COL27A1: variants seen among roughly 807,000 people sequenced by gnomAD.
The protein encoded by COL27A1 is collagen type XXVII alpha 1 chain.
COL27A1 carries 106 observed loss-of-function variants against 251.3 expected under a neutral mutation model. The ratio of observed to expected loss-of-function variants is 0.42; its 90% confidence interval spans 0.36 to 0.50. COL27A1 has a LOEUF of 0.50. COL27A1 is among the 20% of genes least tolerant of loss of function. The pLI is 0.00. For missense variants in COL27A1, 2,325 were observed against 2,522.8 expected, an observed-to-expected ratio of 0.92 and a Z score of 1.68; for synonymous variants, 1,000 against 986.3, an observed-to-expected ratio of 1.01 and a Z score of -0.26.
At chr9:114,263,578 G>A (rs1487825726) in intron 28 of COL27A1, among the ~76,000 whole-genome samples, 2 of 152,198 alleles carry the variant, frequency 1.3e-5, no homozygotes, top group African/African-American at 2.4e-5. Flanking sequence ...CATGGGGGAT[G>A]AGAGCGGCTA....
chr9:114,178,466 A>G (rs1827644005), intron 4 of COL27A1, 122 bp downstream of exon 4: 1 of 885,330 alleles, frequency 1.1e-6, no homozygotes, highest in East Asian at 2.4e-5. Flanking sequence ...TCTGGCACCC[A>G]TATTTGGCTT....
chr9:114,310,529 A>T lies in COL27A1; in HGVS notation c.5437-20A>T. 1 of 1,614,100 alleles carries T rather than the reference A, an allele frequency of 6.2e-7. No homozygotes were observed. Among genetic ancestry groups the T allele is most frequent in the Non-Finnish European group, 8.5e-7 (1 of 1,179,948 alleles). On this transcript the variant is annotated intron_variant, in intron 60 of 60. Transcript: ENST00000356083. ...AGAATCACGATGGATGTACGTGTGCACTTTTCCTTCTGCCTTCAGGTCCAA... is the reference window on the plus strand; with the variant it reads ...AGAATCACGATGGATGTACGTGTGCTCTTTTCCTTCTGCCTTCAGGTCCAA...
intron 32 of COL27A1, 137 bp from the exon 33 acceptor site, chr9:114,266,428 G>A (rs1010917000): frequency 2.7e-5 from 17 of 636,920 alleles, no homozygotes; most frequent in African/African-American, 3.7e-5. Context: ...CAGGACCCTC[G>A]GTGTGGCTGG....
chr9:114,233,451 C>T (rs1832107747), intron 16 of COL27A1, among the ~76,000 whole-genome samples: 1 of 150,500 alleles, frequency 6.6e-6, no homozygotes, highest in South Asian at 2.1e-4. Flanking sequence ...CCCCCCTTGC[C>T]CTGCTGTCTG....
At chr9:114,211,087 C>T (rs573098925) in intron 12 of COL27A1, 61 bp downstream of exon 12, 27 of 1,546,158 alleles carry the variant, frequency 1.7e-5, no homozygotes, top group South Asian at 5.6e-5. Flanking sequence ...CCCACGGCCA[C>T]GCTGCCCTGG....
intron 40 of COL27A1, 28 bp downstream of exon 40, chr9:114,283,790 C>A: frequency 6.2e-7 from 1 of 1,612,380 alleles, no homozygotes; most frequent in Non-Finnish European, 8.5e-7. Context: ...CACCCCACCC[C>A]CCGACTCTGT....
rs181894836 is a variant in COL27A1 at position 114,240,157 on chromosome 9, C to T, written c.2728-63C>T. On this transcript the variant is annotated intron_variant, in intron 19 of 60. Transcript: ENST00000356083. ...AAACCCGGTCAGTCTCCCTGCAAGA[C>T]GCATCCCCGTAGCACTCCCTTCACA... 4.8e-5 allele frequency: 68 copies of T among 1,420,068 alleles called. No individual in the cohort carries two copies. The South Asian group carries it at 5.6e-4, about 12-fold the overall frequency. 88.0% of individuals were successfully genotyped at this position (1,420,068 alleles called of 1,614,324 possible).
intron 28 of COL27A1, among the ~76,000 whole-genome samples, chr9:114,264,065 G>A (rs369147215): frequency 4.6e-5 from 7 of 152,236 alleles, no homozygotes; most frequent in African/African-American, 1.7e-4. Context: ...AAATGGATTG[G>A]CTGGGTGACC....
intron 14 of COL27A1, among the ~76,000 whole-genome samples, chr9:114,230,499 T>C (rs570647975): frequency 7.2e-5 from 11 of 152,202 alleles, no homozygotes; most frequent in Admixed American, 7.2e-4. Context: ...TGATCTGATC[T>C]GAAGCTGGGT....
At chr9:114,233,078 A>G (rs1290761018) in intron 16 of COL27A1, among the ~76,000 whole-genome samples, 2 of 152,202 alleles carry the variant, frequency 1.3e-5, no homozygotes, top group African/African-American at 4.8e-5. Flanking sequence ...CTCAAAAAAG[A>G]AGCTTGCCTG....
At chr9:114,288,433 A>G (rs1827662471) in intron 41 of COL27A1, 22 bp from the exon 42 acceptor site, 1 of 1,607,864 alleles carries the variant, frequency 6.2e-7, no homozygotes, top group Non-Finnish European at 8.5e-7. Context: ...GGTTTGCCCT[A>G]AAGCTGGTTC....
chr9:114,282,583 G>T lies in COL27A1; in HGVS notation c.3879+19G>T, dbSNP rs1397054702. 1 of 1,447,946 alleles carries T rather than the reference G, an allele frequency of 6.9e-7. No individual in the cohort carries two copies. The highest frequency in any genetic ancestry group is 9.2e-7 in the Non-Finnish European group (1 of 1,081,676). 89.7% of individuals were successfully genotyped at this position (1,447,946 alleles called of 1,614,324 possible). A position where few individuals can be genotyped will look rare whatever the true frequency, so the allele number is the denominator to read the frequency against. On this transcript the variant is annotated intron_variant, in intron 39 of 60. Transcript: ENST00000356083. ...ACCAACGGTGAGGACTCTCTGGCTG[G>T]GGTGGGGGAGTCAGATGTGGAATAG... is the stretch of plus-strand genomic sequence containing the variant.
In COL27A1 at chr9:114,290,066, G is replaced by A; in HGVS notation, c.4215G>A (p.Lys1405=). The change falls in exon 46 of 61, where the codon AAG becomes AAA. Residue 1405 remains lysine (K), a synonymous_variant. Coordinates refer to ENST00000356083, the MANE Select transcript of COL27A1 (RefSeq NM_032888.4). The surrounding 1 kb of genome is among the most constrained non-coding windows in gnomAD (Gnocchi z 4.6). ...PKGSKGAEGP[K]GKQGKAGAPG... The stretch of plus-strand genomic sequence containing the variant: ...GGCCCTTGATTTTTCAGGGACCAAA[G>A]GGAAAGCAAGGCAAGGCAGGGGCCC... The A allele has an allele frequency of 6.2e-7, 1 of 1,611,872 alleles. No individual in the cohort carries two copies.
chr9:114,295,903 TC>T (rs1168965735), intron 49 of COL27A1, among the ~76,000 whole-genome samples: 6 of 152,164 alleles, frequency 3.9e-5, no homozygotes, highest in Non-Finnish European at 8.8e-5. Context: ...CACCTCGGCC[TC>T]CCAAAGTGCT....
intron 25 of COL27A1, 104 bp from the exon 26 acceptor site, chr9:114,252,489 C>T: frequency 1.8e-5 from 17 of 950,434 alleles, no homozygotes; most frequent in Non-Finnish European, 2.9e-5. Context: ...TTGAGCAAAC[C>T]CCTACCTCTC....
At position 114,169,337 on chromosome 9, in the gene COL27A1, G is replaced by C. The variant is rs541446954; in HGVS notation, c.1782G>C (p.Pro594=). Reference sequence around the variant, plus strand: ...CCACCCCGGCCCTGGTATTGGCCCCGGCGCAATTCCTGTCCTCCAGCCCCC... The same window carrying C: ...CCACCCCGGCCCTGGTATTGGCCCCCGCGCAATTCCTGTCCTCCAGCCCCC... ...QQTTPALVLA[P]AQFLSSSPRP... The change falls in exon 3 of 61, where the codon CCG becomes CCC. Residue 594 remains proline (P), a synonymous_variant. Coordinates refer to ENST00000356083, the MANE Select transcript of COL27A1 (RefSeq NM_032888.4). The C allele has an allele frequency of 6.2e-7, 1 of 1,612,694 alleles. No individual in the cohort carries two copies. The highest frequency in any genetic ancestry group is 1.7e-5 in the Admixed American group (1 of 59,994).
chr9:114,300,988 G>A (rs1403268895), intron 51 of COL27A1, 84 bp from the exon 52 acceptor site: 20 of 1,366,610 alleles, frequency 1.5e-5, no homozygotes, highest in South Asian at 4.1e-5. Context: ...CCCTTGCGAC[G>A]CTCGGGCTGC....
intron 3 of COL27A1, among the ~76,000 whole-genome samples, chr9:114,177,262 G>A (rs535360517): frequency 5.9e-5 from 9 of 152,320 alleles, no homozygotes; most frequent in Admixed American, 3.9e-4. Context: ...AAGTCTGCTC[G>A]GCTGCCTCCC....
intron 2 of COL27A1, among the ~76,000 whole-genome samples, chr9:114,165,982 TATTCATCCATCC>T (rs1848819467): frequency 7.0e-6 from 1 of 142,420 alleles, no homozygotes; most frequent in Admixed American, 6.9e-5. Context: ...TCCCTTCATC[TATTCATCCATCC>T]ATTCATCCAT....
Sources: allele counts gnomAD v4.1 joint callset (sites outside exome capture counted in the v4.1 genomes callset), GRCh38; gene constraint gnomAD v4.1.1; non-coding constraint Gnocchi (gnomAD v3.1); transcripts MANE v1.5; gene names NCBI Gene and HGNC (gene_info 2026-07-23, HGNC 2026-07-21).